Variants in TRANK1 observed in about 807,000 individuals in gnomAD.
TRANK1 encodes TPR and ankyrin repeat-containing protein 1.
In TRANK1, 198 loss-of-function variants were observed where a neutral mutation model predicts 266.0. The observed-to-expected ratio is 0.74, with a 90% CI of 0.66 to 0.84. TRANK1 has a LOEUF of 0.84. Ranked by LOEUF, TRANK1 falls within the 40% of genes least tolerant of loss-of-function variation. The pLI is 0.00. For synonymous variants in TRANK1, 1,396 were observed against 1,384.1 expected, an observed-to-expected ratio of 1.01 and a Z score of -0.19; for missense variants, 3,326 against 3,634.6, an observed-to-expected ratio of 0.92 and a Z score of 2.18.
chr3:36,883,349 G>A (rs111349729), intron 8 of TRANK1, among the ~76,000 whole-genome samples: 38 of 151,936 alleles, frequency 2.5e-4, no homozygotes, highest in South Asian at 8.3e-4. Context: ...GGAGGCTGAG[G>A]TGGTAGGATC....
chr3:36,893,381 C>A (rs2079738915), intron 5 of TRANK1, among the ~76,000 whole-genome samples: 1 of 152,152 alleles, frequency 6.6e-6, no homozygotes, highest in South Asian at 2.1e-4. Context: ...TTATTCCTCA[C>A]ATCAGCGTTT....
chr3:36,852,915 A>C (rs1300106449), intron 13 of TRANK1, among the ~76,000 whole-genome samples: 1 of 152,160 alleles, frequency 6.6e-6, no homozygotes, highest in South Asian at 2.1e-4. Flanking sequence ...CCATGGTAAA[A>C]ACAGTGCTGC....
At chr3:36,936,438 A>G (rs2080426564) in intron 1 of TRANK1, among the ~76,000 whole-genome samples, 2 of 151,894 alleles carry the variant, frequency 1.3e-5, no homozygotes, top group Admixed American at 6.6e-5. Flanking sequence ...GTGAGCTGTG[A>G]TCACACCACT....
At chr3:36,848,896 G>T (rs77195211) in intron 15 of TRANK1, among the ~76,000 whole-genome samples, 16,791 of 152,156 alleles carry the variant, frequency 0.11, 1,121 homozygotes, top group Admixed American at 0.17. Flanking sequence ...GGCTAAGGAA[G>T]AACAGGGTAT....
chr3:36,878,750 C>T (rs1200647677), intron 8 of TRANK1, among the ~76,000 whole-genome samples: 2 of 146,482 alleles, frequency 1.4e-5, no homozygotes, highest in African/African-American at 2.6e-5. Context: ...GCAAAAGTAC[C>T]CCCCCCGAAC....
rs759560675 is a variant in TRANK1 at position 36,842,605 on chromosome 3, C to T, written c.5280+17G>A. On this transcript the variant is annotated intron_variant, in intron 18 of 23. Transcript: ENST00000645898. ...AGGGCACCAGTGACAAGGACCCCTC[C>T]TAGTCCAACCCCTTACCTTCCAGCA... The T allele has an allele frequency of 3.2e-5, 51 of 1,612,416 alleles. No individual in the cohort carries two copies. Among genetic ancestry groups the T allele is most frequent in the Non-Finnish European group, 4.3e-5 (51 of 1,178,888 alleles).
At chr3:36,942,073 C>T (rs577646266) in intron 1 of TRANK1, among the ~76,000 whole-genome samples, 4 of 152,174 alleles carry the variant, frequency 2.6e-5, no homozygotes, top group Admixed American at 6.5e-5. Flanking sequence ...AACAGGAGGA[C>T]TGCAGGCTCT....
chr3:36,855,900 G>A lies in TRANK1; in HGVS notation c.3822C>T (p.Ile1274=), dbSNP rs1288221544. 8.7e-6 allele frequency: 14 copies of A among 1,613,518 alleles called. No individual in the cohort carries two copies. The highest frequency in any genetic ancestry group is 1.2e-5 in the Non-Finnish European group (14 of 1,179,858). ...RNEDGSLKRT[I]IGWSAQEEST... ...ACTCTTCCTGTGCAGACCATCCTAT[G>A]ATGGTTCTTTTCAAGCTTCCATCTT... The change falls in exon 13 of 24, where the codon ATC becomes ATT. Residue 1274 remains isoleucine, a synonymous_variant. Coordinates refer to ENST00000645898, the MANE Select transcript of TRANK1 (RefSeq NM_001329998.2).
chr3:36,920,176 C>T (rs1397245463), intron 1 of TRANK1, among the ~76,000 whole-genome samples: 1 of 152,178 alleles, frequency 6.6e-6, no homozygotes, highest in Non-Finnish European at 1.5e-5. Flanking sequence ...AGGAAATATT[C>T]TTCTAAAAAA....
At chr3:36,909,909 GA>G (rs1237293913) in intron 1 of TRANK1, among the ~76,000 whole-genome samples, 9 of 152,272 alleles carry the variant, frequency 5.9e-5, no homozygotes, top group African/African-American at 2.2e-4. Flanking sequence ...AGAAGAACAT[GA>G]AAAAATGTAA....
At chr3:36,886,813 G>A (rs1296717437) in intron 8 of TRANK1, among the ~76,000 whole-genome samples, 1 of 151,922 alleles carries the variant, frequency 6.6e-6, no homozygotes, top group Non-Finnish European at 1.5e-5. Context: ...TTGGGAGGCT[G>A]AGGTAGATCT....
chr3:36,891,212 G>T (rs10222527), intron 7 of TRANK1, among the ~76,000 whole-genome samples: 96,581 of 151,816 alleles, frequency 0.64, 31,037 homozygotes, highest in African/African-American at 0.71. Flanking sequence ...TGGTGGCGGG[G>T]GCCTGTAATC....
chr3:36,916,101 G>A (rs1402929999), intron 1 of TRANK1, among the ~76,000 whole-genome samples: 1 of 152,190 alleles, frequency 6.6e-6, no homozygotes, highest in Non-Finnish European at 1.5e-5. Flanking sequence ...CAATACAGAA[G>A]GCACTAGCCA....
intron 4 of TRANK1, 57 bp from the exon 5 acceptor site, chr3:36,895,815 G>T: frequency 8.6e-7 from 1 of 1,165,450 alleles, no homozygotes; most frequent in Non-Finnish European, 1.2e-6. Flanking sequence ...TACAGCATTT[G>T]GGAAAAGGTC....
Position 36,864,320 on chromosome 3 carries a change from T to G in TRANK1, c.1239A>C (p.Gln413His), listed in dbSNP as rs2079183681. ...ATTGAACGTTGTGGAAAAAATTACC[T>G]TGCAGAGTAGAAAGGAGACGCAAGA... ...QRFLRLLSTL[Q>H]EIPPDLVCDI... The change falls in exon 10 of 24, where the codon CAA becomes CAC. Residue 413 changes from glutamine to histidine, a missense_variant and splice_region_variant. By Grantham distance (24) the Gln-to-His change is conservative (BLOSUM62 0). Coordinates refer to ENST00000645898, the MANE Select transcript of TRANK1 (RefSeq NM_001329998.2). 2.0e-6 allele frequency: 3 copies of G among 1,515,040 alleles called. No homozygotes were observed. The highest frequency in any genetic ancestry group is 1.7e-4 in the Middle Eastern group (1 of 5,894). 93.8% of individuals were successfully genotyped at this position (1,515,040 alleles called of 1,614,324 possible). A position where few individuals can be genotyped will look rare whatever the true frequency, so the allele number is the denominator to read the frequency against.
intron 1 of TRANK1, among the ~76,000 whole-genome samples, chr3:36,916,342 G>T (rs2080123444): frequency 6.6e-6 from 1 of 152,208 alleles, no homozygotes; most frequent in South Asian, 2.1e-4. Context: ...AAGGCGGGCA[G>T]ATCACGAGGT....
Position 36,915,753 on chromosome 3 carries a change from G to C in TRANK1, c.24-7299C>G, listed in dbSNP as rs147225029. Among the ~76,000 whole-genome samples, 434 of 152,284 alleles carry C rather than the reference G, an allele frequency of 2.8e-3. 1 individual carries two copies. Among genetic ancestry groups the C allele is most frequent in the Non-Finnish European group, 4.0e-3 (269 of 68,014 alleles). ...AGAGGGTATAAGAAAGGCTGTAACA[G>C]GAGATCACAGCTTAGATTGCAGGGA... is the stretch of plus-strand genomic sequence containing the variant. On this transcript the variant is annotated intron_variant, in intron 1 of 23. Transcript: ENST00000645898.
At chr3:36,898,751 T>G (rs1051811098) in intron 4 of TRANK1, among the ~76,000 whole-genome samples, 12 of 150,962 alleles carry the variant, frequency 7.9e-5, no homozygotes, top group African/African-American at 2.7e-4. Flanking sequence ...CTCGGGAGGC[T>G]GAGGCAGGAG....
At chr3:36,846,722 A>G (rs763780090) in intron 16 of TRANK1, among the ~76,000 whole-genome samples, 3 of 152,184 alleles carry the variant, frequency 2.0e-5, no homozygotes, top group Admixed American at 6.5e-5. Flanking sequence ...TTAATTCTGA[A>G]GTAATTATAG....
Sources: gnomAD v4.1 joint callset for allele counts (sites outside exome capture counted in the v4.1 genomes callset) on GRCh38, gnomAD v4.1.1 for gene constraint, MANE v1.5 for transcripts, NCBI Gene and HGNC (gene_info 2026-07-23, HGNC 2026-07-21) for gene names.